The following SUV39H2 variants were observed in gnomAD, a reference collection of about 807,000 sequenced individuals.
SUV39H2 encodes the protein SUV39H2 histone lysine methyltransferase, also known as histone-lysine N-methyltransferase SUV39H2.
In SUV39H2, 10 loss-of-function variants were observed where a neutral mutation model predicts 47.5. That is an observed-to-expected ratio of 0.21 (90% CI 0.13 to 0.36). The LOEUF (loss-of-function observed/expected upper bound fraction) is 0.36, where lower values mean the gene tolerates loss of function less well. Among genes scored for constraint, SUV39H2 ranks in the 10% least tolerant of loss-of-function variants. The probability of loss-of-function intolerance (pLI) is 1.00; values close to 1 mark genes in which losing one functional copy is unlikely to be tolerated. For missense variants in SUV39H2, 266 were observed against 487.4 expected (o/e 0.55, Z 4.28); for synonymous variants, 159 against 166.8 (o/e 0.95, Z 0.36).
chr10:14,883,797 A>C (rs186911002), intron 2 of SUV39H2, among the ~76,000 whole-genome samples: 2 of 152,040 alleles, frequency 1.3e-5, no homozygotes, highest in Non-Finnish European at 2.9e-5. Context: ...TCCCAAAAAG[A>C]AACAGTAAAC....
intron 3 of SUV39H2, chr10:14,899,202 TC>T: frequency 1.4e-6 from 1 of 702,026 alleles, no homozygotes; most frequent in Non-Finnish European, 2.6e-6. Context: ...GCACCTGTGA[TC>T]CAGCTAGTCA....
At chr10:14,890,040 A>G (rs558448107) in intron 2 of SUV39H2, among the ~76,000 whole-genome samples, 1 of 152,346 alleles carries the variant, frequency 6.6e-6, no homozygotes, top group South Asian at 2.1e-4. Context: ...TAAAGTATAC[A>G]GGTACTTTTG....
chr10:14,900,445 G>A (rs1833925135), intron 4 of SUV39H2, among the ~76,000 whole-genome samples: 1 of 152,184 alleles, frequency 6.6e-6, no homozygotes, highest in Admixed American at 6.5e-5. Context: ...GGATTTCATA[G>A]TAAGAAATTG....
intron 2 of SUV39H2, among the ~76,000 whole-genome samples, chr10:14,893,135 C>G (rs980208649): frequency 6.6e-6 from 1 of 151,200 alleles, no homozygotes; most frequent in Non-Finnish European, 1.5e-5. Context: ...TCCCGAGTAG[C>G]TGGGACTACA....
intron 1 of SUV39H2, among the ~76,000 whole-genome samples, chr10:14,881,105 T>C (rs1158748269): frequency 6.6e-6 from 1 of 152,236 alleles, no homozygotes; most frequent in Non-Finnish European, 1.5e-5. Context: ...TAAGAATAAG[T>C]GTCCTAGAGA....
chr10:14,890,155 G>T (rs1275662268), intron 2 of SUV39H2, among the ~76,000 whole-genome samples: 1 of 152,164 alleles, frequency 6.6e-6, no homozygotes, highest in Non-Finnish European at 1.5e-5. Flanking sequence ...GAGTGGTTAA[G>T]AACTAGAATA....
chr10:14,894,398 C>T (rs1386648703), intron 2 of SUV39H2, among the ~76,000 whole-genome samples: 3 of 43,432 alleles, frequency 6.9e-5, no homozygotes, highest in Admixed American at 3.2e-4. Context: ...GACGGAGTCT[C>T]GCTCTGTCGC....
rs577795568 is a variant in SUV39H2 at position 14,882,823 on chromosome 10, T to C, written c.177+1178T>C. ...ACACTTATTCTTACTTCCAGAGGTG[T>C]CACCATTTTTCTTTTTTCTTCCTAT... On this transcript the variant is annotated intron_variant, in intron 2 of 5. Coordinates refer to ENST00000354919, the MANE Select transcript of SUV39H2 (RefSeq NM_001193424.2). Among the ~76,000 whole-genome samples, 4 of 151,928 alleles carry C rather than the reference T, an allele frequency of 2.6e-5. No individual in the cohort carries two copies. The South Asian group carries it at 6.3e-4, about 24-fold the overall frequency.
At chr10:14,891,976 G>A (rs1421927147) in intron 2 of SUV39H2, among the ~76,000 whole-genome samples, 1 of 152,166 alleles carries the variant, frequency 6.6e-6, no homozygotes, top group Non-Finnish European at 1.5e-5. Flanking sequence ...TTTATATGTG[G>A]TTTTTGTTAG....
At chr10:14,879,252 G>A (rs1253962073) in intron 1 of SUV39H2, 2 of 527,728 alleles carry the variant, frequency 3.8e-6, no homozygotes, top group African/African-American at 2.0e-5. Flanking sequence ...GGCAGTCCCC[G>A]GTTGGAGGTC....
rs199839119 is a variant in SUV39H2, at chr10:14,894,361, T to G, written c.178-2485T>G. Among the ~76,000 whole-genome samples the G allele has an allele frequency of 1.0e-3, 50 of 49,964 alleles. 5 individuals carry two copies. Among genetic ancestry groups the G allele is most frequent in the South Asian group, 5.5e-3 (5 of 912 alleles). The allele number at this position is 49,964 out of a possible 152,430, so 32.8% of individuals were successfully genotyped here. On this transcript the variant is annotated intron_variant, in intron 2 of 5. Transcript: ENST00000354919. ...ATTTTCAAAAGAAAGCAAAGTTTTT[T>G]TTTTTTTTTTTTTTTTTTTTTTTTG...
intron 1 of SUV39H2, chr10:14,879,155 T>G (rs1209739937): frequency 4.2e-6 from 5 of 1,196,636 alleles, no homozygotes; most frequent in East Asian, 3.6e-5. Flanking sequence ...CTGGGGCACT[T>G]CGGAAGTGGA....
chr10:14,882,930 C>G (rs1009463589), intron 2 of SUV39H2, among the ~76,000 whole-genome samples: 1 of 150,888 alleles, frequency 6.6e-6, no homozygotes, highest in South Asian at 2.1e-4. Context: ...TGCAGTCGTG[C>G]GATCTCAGCT....
intron 2 of SUV39H2, among the ~76,000 whole-genome samples, chr10:14,892,244 T>A (rs796381366): frequency 3.3e-5 from 5 of 152,302 alleles, no homozygotes; most frequent in African/African-American, 1.2e-4. Flanking sequence ...AAATTGTTCC[T>A]AACTAACAAG....
chr10:14,892,614 T>G (rs1453292622), intron 2 of SUV39H2, among the ~76,000 whole-genome samples: 4 of 152,156 alleles, frequency 2.6e-5, no homozygotes. Flanking sequence ...GCTGCATTGA[T>G]TTCCCTCTAT....
chr10:14,888,051 G>A (rs541778818), intron 2 of SUV39H2, among the ~76,000 whole-genome samples: 3 of 152,274 alleles, frequency 2.0e-5, no homozygotes, highest in East Asian at 1.9e-4. Context: ...CAGAGTGTGC[G>A]GCTCCTCATA....
intron 2 of SUV39H2, among the ~76,000 whole-genome samples, chr10:14,888,640 A>G (rs555423238): frequency 6.6e-6 from 1 of 152,148 alleles, no homozygotes; most frequent in African/African-American, 2.4e-5. Flanking sequence ...GTCTCAAAAA[A>G]AAAAAGAAAG....
At chr10:14,887,806 TA>T (rs1439447519) in intron 2 of SUV39H2, among the ~76,000 whole-genome samples, 1 of 152,228 alleles carries the variant, frequency 6.6e-6, no homozygotes, top group East Asian at 1.9e-4. Context: ...GTAGTTGACG[TA>T]AGTGTTGATG....
chr10:14,879,333 T>G (rs1046392392), intron 1 of SUV39H2, among the ~76,000 whole-genome samples: 1 of 152,078 alleles, frequency 6.6e-6, no homozygotes, highest in African/African-American at 2.4e-5. Flanking sequence ...CCCGGGCCTT[T>G]GAAGTGGGAG....
Sources: gnomAD v4.1 joint callset for allele counts (sites outside exome capture counted in the v4.1 genomes callset) on GRCh38, gnomAD v4.1.1 for gene constraint, MANE v1.5 for transcripts, NCBI Gene and HGNC (gene_info 2026-07-23, HGNC 2026-07-21) for gene names.